The following DNAAF5 variants were observed in gnomAD, a reference collection of about 807,000 sequenced individuals.
DNAAF5 encodes the protein dynein axonemal assembly factor 5, also known as HEAT repeat containing 2.
A neutral mutation model predicts 75.8 loss-of-function variants in DNAAF5; 64 were observed. The observed-to-expected ratio is 0.84, with a 90% confidence interval of 0.69 to 1.04. The LOEUF (loss-of-function observed/expected upper bound fraction) is 1.04. Ranked by LOEUF, DNAAF5 falls within the 50% of genes least tolerant of loss-of-function variation. The probability of loss-of-function intolerance (pLI) is 0.00; values close to 1 mark genes in which losing one functional copy is unlikely to be tolerated. For missense variants in DNAAF5, 1,269 were observed against 1,178.5 expected (o/e 1.08, Z -1.12); for synonymous variants, 657 against 557.2 (o/e 1.18, Z -2.52).
chr7:765,577 C>A (rs576037180), intron 8 of DNAAF5, among the ~76,000 whole-genome samples: 1 of 152,106 alleles, frequency 6.6e-6, no homozygotes, highest in African/African-American at 2.4e-5. Context: ...ATGGTGTTGG[C>A]GGAACTGATT....
At chr7:778,824 C>CT (rs1778847113) in intron 11 of DNAAF5, 2 of 153,292 alleles carry the variant, frequency 1.3e-5, no homozygotes, top group South Asian at 4.1e-4. Context: ...AGCATACCCC[C>CT]CATGCAGCAA....
chr7:764,809 G>A (rs1311135962), intron 8 of DNAAF5, among the ~76,000 whole-genome samples: 1 of 152,174 alleles, frequency 6.6e-6, no homozygotes, highest in Non-Finnish European at 1.5e-5. Context: ...GGTGGCTCAC[G>A]CCTGTAATCC....
chr7:732,274 G>A (rs963424928), intron 2 of DNAAF5, among the ~76,000 whole-genome samples: 1 of 152,348 alleles, frequency 6.6e-6, no homozygotes, highest in Middle Eastern at 3.4e-3. Flanking sequence ...CTGCAGCTCC[G>A]AGCCCAGGAC....
intron 4 of DNAAF5, among the ~76,000 whole-genome samples, chr7:747,418 TTGG>T (rs1167517769): frequency 1.3e-5 from 2 of 152,114 alleles, no homozygotes; most frequent in Admixed American, 1.3e-4. Flanking sequence ...GCACAGGGTG[TTGG>T]TGGGGTTTGC....
In DNAAF5 at chr7:763,965, G is replaced by A. The variant is rs1782744932; in HGVS notation, c.1774G>A (p.Ala592Thr). The A allele has an allele frequency of 4.4e-6, 7 of 1,603,520 alleles. No individual in the cohort carries two copies. The highest frequency in any genetic ancestry group is 5.1e-6 in the Non-Finnish European group (6 of 1,179,926). ...GCTCCTGCAGTTCAGTGTCATCGTC[G>A]CACAGTCAGGTGAGCCGTCCCGACA... ...PELLQFSVIVAQSGPALGEAL... is the reference protein window; with the variant it reads ...PELLQFSVIVTQSGPALGEAL... Residue 592 changes from alanine (A) to threonine (T), a missense_variant, in exon 8 of 13, where the codon GCA (alanine) becomes ACA (threonine). Physicochemically the swap from Ala to Thr is moderately conservative, Grantham distance 58. Coordinates refer to ENST00000297440, the MANE Select transcript of DNAAF5 (RefSeq NM_017802.4).
intron 2 of DNAAF5, among the ~76,000 whole-genome samples, chr7:735,106 A>G (rs1474737679): frequency 6.9e-6 from 1 of 144,390 alleles, no homozygotes; most frequent in African/African-American, 2.6e-5. Context: ...GGTGTTCTTC[A>G]TGGTGTAGCT....
intron 8 of DNAAF5, chr7:769,141 T>G (rs1453922172): frequency 2.6e-6 from 2 of 771,020 alleles, no homozygotes; most frequent in East Asian, 4.9e-5. Flanking sequence ...CCGAGCAGCC[T>G]GCTCTGATGA....
chr7:734,018 T>C (rs565175235), intron 2 of DNAAF5, among the ~76,000 whole-genome samples: 12 of 152,390 alleles, frequency 7.9e-5, no homozygotes, highest in African/African-American at 2.6e-4. Context: ...GTGGAATCTT[T>C]AGGTTTTTCC....
chr7:785,699 A>G lies in DNAAF5; in HGVS notation c.*46A>G, dbSNP rs754683176. On this transcript the variant is annotated 3_prime_UTR_variant, in exon 13 of 13. Transcript: ENST00000297440. ...GCACACCCTTGTCCCCACCTGAGCC[A>G]GAGTTTGTGGCCTTTAAATCTCATA... The G allele has an allele frequency of 1.9e-6, 3 of 1,599,056 alleles. No individual in the cohort carries two copies. The Admixed American group carries it at 5.1e-5, about 27-fold the overall frequency.
chr7:745,413 G>A (rs1377896894), intron 4 of DNAAF5, among the ~76,000 whole-genome samples: 3 of 146,546 alleles, frequency 2.0e-5, no homozygotes, highest in African/African-American at 5.1e-5. Flanking sequence ...AAGACAGAGC[G>A]AGGCGCACAC....
At position 785,657 on chromosome 7, in the gene DNAAF5, C is replaced by T. The variant is rs761026916; in HGVS notation, c.*4C>T. The T allele has an allele frequency of 7.4e-6, 12 of 1,612,312 alleles. No homozygotes were observed. The highest frequency in any genetic ancestry group is 1.7e-4 in the Middle Eastern group (1 of 5,854). On this transcript the variant is annotated 3_prime_UTR_variant, in exon 13 of 13. Transcript: ENST00000297440. ...GGCCGTGCCAGCCACACAGTGACCA[C>T]GCTGGTTTCAGCCACGGCACACCCT...
intron 12 of DNAAF5, among the ~76,000 whole-genome samples, chr7:784,665 C>T (rs940012998): frequency 1.3e-5 from 2 of 152,190 alleles, no homozygotes; most frequent in Admixed American, 6.5e-5. Flanking sequence ...CCTCCGTAAG[C>T]ATGGGTTCAT....
At position 756,855 on chromosome 7, in the gene DNAAF5, T is replaced by C; in HGVS notation, c.1331T>C (p.Leu444Pro). Residue 444 changes from leucine to proline, a missense_variant, in exon 6 of 13, where the codon CTG becomes CCG. Physicochemically the swap from Leu to Pro is moderately conservative, Grantham distance 98. Transcript: ENST00000297440. ...TTTCTGAAGCTGATCTTATCGACGC[T>C]GAAGAAGACGCCCTCTGCCTCCGGC... Reference protein sequence around the residue: ...EVFLKLILSTLKKTPSASGLL... With the variant: ...EVFLKLILSTPKKTPSASGLL... 1.2e-6 allele frequency: 2 copies of C among 1,613,966 alleles called. No individual in the cohort carries two copies. The highest frequency in any genetic ancestry group is 1.7e-6 in the Non-Finnish European group (2 of 1,180,012).
In DNAAF5 at chr7:774,029, C is replaced by G. The variant is rs762597761; in HGVS notation, c.1932-19C>G. ...CACCTGTCCGGTCTCCTCATCCACC[C>G]TCTCCGTTCCGGTTCCAGGCAGTTT... On this transcript the variant is annotated intron_variant, in intron 9 of 12. Transcript: ENST00000297440. 1.9e-6 allele frequency: 3 copies of G among 1,614,074 alleles called. No homozygotes were observed. The highest frequency in any genetic ancestry group is 1.7e-5 in the Admixed American group (1 of 60,024).
chr7:740,833 G>A lies in DNAAF5; in HGVS notation c.795G>A (p.Val265=). The change falls in exon 3 of 13, where the codon GTG becomes GTA. Residue 265 remains valine (V), a synonymous_variant. Coordinates refer to ENST00000297440, the MANE Select transcript of DNAAF5 (RefSeq NM_017802.4). ...CTCATGCGCAGGTCCGGCGGGCGGT[G>A]GCCTCCGTGGTGGGCGGCTGGCTGC... ...FDDVPQVRRA[V]ASVVGGWLLC... 2 of 1,613,912 alleles carry A rather than the reference G, an allele frequency of 1.2e-6. No homozygotes were observed. Among genetic ancestry groups the A allele is most frequent in the Non-Finnish European group, 8.5e-7 (1 of 1,180,034 alleles).
chr7:776,040 A>T (rs898328872), intron 11 of DNAAF5, among the ~76,000 whole-genome samples: 1 of 152,160 alleles, frequency 6.6e-6, no homozygotes, highest in African/African-American at 2.4e-5. Flanking sequence ...TGTTTTATAG[A>T]AAAAAAGCAG....
intron 2 of DNAAF5, among the ~76,000 whole-genome samples, chr7:737,498 G>A: frequency 6.6e-6 from 1 of 152,200 alleles, no homozygotes; most frequent in Non-Finnish European, 1.5e-5. Context: ...TGTTCTGTGT[G>A]CTTACTGTTA....
At chr7:742,745 C>T (rs1468664147) in intron 4 of DNAAF5, among the ~76,000 whole-genome samples, 28 of 138,932 alleles carry the variant, frequency 2.0e-4, no homozygotes, top group African/African-American at 7.3e-4. Flanking sequence ...AATCAGATGC[C>T]CAGCCCAAAT....
Position 749,117 on chromosome 7 carries a change from C to T in DNAAF5, c.1025-5472C>T, listed in dbSNP as rs146581692. 7.5e-3 allele frequency among the ~76,000 whole-genome samples: 1,136 copies of T among 152,082 alleles called. 15 individuals carry two copies. The highest frequency in any genetic ancestry group is 0.022 in the African/African-American group (916 of 41,512). ...AACCTCCGCCTTAAAAACCAAGCTTCGTGCTGGGAGGGTTGGGAGGGCACC... is the reference window on the plus strand; with the variant it reads ...AACCTCCGCCTTAAAAACCAAGCTTTGTGCTGGGAGGGTTGGGAGGGCACC... On this transcript the variant is annotated intron_variant, in intron 4 of 12. Coordinates refer to ENST00000297440, the MANE Select transcript of DNAAF5 (RefSeq NM_017802.4).
Sources: allele counts gnomAD v4.1 joint callset (sites outside exome capture counted in the v4.1 genomes callset), GRCh38; gene constraint gnomAD v4.1.1; transcripts MANE v1.5; gene names NCBI Gene and HGNC (gene_info 2026-07-23, HGNC 2026-07-21).